The following PIEZO1 variants were observed in gnomAD, a reference collection of about 807,000 sequenced individuals.
The protein encoded by PIEZO1 is piezo type mechanosensitive ion channel component 1 (Er blood group).
A neutral mutation model predicts 297.2 loss-of-function variants in PIEZO1; 296 were observed. The ratio of observed to expected loss-of-function variants is 1.00; its 90% CI spans 0.91 to 1.10. The LOEUF (loss-of-function observed/expected upper bound fraction) is 1.10, where lower values mean the gene tolerates loss of function less well. PIEZO1 is among the 50% of genes least tolerant of loss of function. The pLI is 0.00. For missense variants in PIEZO1, 5,018 were observed against 3,455.5 expected (o/e 1.45, Z -11.34); for synonymous variants, 2,427 against 1,507.5 (o/e 1.61, Z -14.13).
At chr16:88,730,990 C>T (rs745437313) in intron 22 of PIEZO1, among the ~76,000 whole-genome samples, 1 of 151,446 alleles carries the variant, frequency 6.6e-6, no homozygotes, top group Non-Finnish European at 1.5e-5. Flanking sequence ...GGTGGGACGC[C>T]CCTGAGCCGG....
chr16:88,727,572 A>G lies in PIEZO1; in HGVS notation c.3286T>C (p.Ser1096Pro). 1.3e-6 allele frequency: 2 copies of G among 1,499,264 alleles called. No individual in the cohort carries two copies. Among genetic ancestry groups the G allele is most frequent in the Non-Finnish European group, 9.0e-7 (1 of 1,108,840 alleles). 92.9% of individuals were successfully genotyped at this position (1,499,264 alleles called of 1,614,324 possible). ...GGGCACTCACTGATGAGGTTGGTGG[A>G]GTTGGGGGCCCGGAAGAAATCAGGC... ...YLPDFFRAPN[S>P]TNLISDFLLL... Residue 1096 changes from serine to proline, a missense_variant, in exon 23 of 51, where the codon TCC becomes CCC. By Grantham distance (74) the Ser-to-Pro change is moderately conservative. Coordinates refer to ENST00000301015, the MANE Select transcript of PIEZO1 (RefSeq NM_001142864.4).
At chr16:88,762,970 G>C (rs1906998972) in intron 1 of PIEZO1, among the ~76,000 whole-genome samples, 1 of 152,214 alleles carries the variant, frequency 6.6e-6, no homozygotes. Context: ...ACTAGGAATT[G>C]GCAGCTCCCT....
In PIEZO1 at chr16:88,734,855, C is replaced by A; in HGVS notation, c.1848+20G>T. 1.3e-6 allele frequency: 2 copies of A among 1,550,266 alleles called. No individual in the cohort carries two copies. The highest frequency in any genetic ancestry group is 8.7e-7 in the Non-Finnish European group (1 of 1,146,914). On this transcript the variant is annotated intron_variant, in intron 14 of 50. Coordinates refer to ENST00000301015, the MANE Select transcript of PIEZO1 (RefSeq NM_001142864.4). Reference sequence around the variant, plus strand: ...CGGGGAGGGTCCGTGCCCCAGCCCCCATCCCGGCCCCCCAGCCACCTGGAA... The same window carrying A: ...CGGGGAGGGTCCGTGCCCCAGCCCCAATCCCGGCCCCCCAGCCACCTGGAA...
chr16:88,727,299 G>A, intron 23 of PIEZO1, 107 bp from the exon 24 acceptor site: 2 of 1,282,918 alleles, frequency 1.6e-6, no homozygotes, highest in Non-Finnish European at 2.1e-6. Context: ...GCAGCCGCTG[G>A]GAGCGGACAC....
chr16:88,719,796 A>G lies in PIEZO1; in HGVS notation c.6323+6T>C. The G allele has an allele frequency of 1.3e-6, 2 of 1,550,166 alleles. No homozygotes were observed. Among genetic ancestry groups the G allele is most frequent in the Non-Finnish European group, 1.7e-6 (2 of 1,146,850 alleles). ...GTGACCCCCACCCCGGCGGACCTGC[A>G]CTCACCCCTGGAAGAGGAAGAGGTT... On this transcript the variant is annotated splice_donor_region_variant and intron_variant, in intron 43 of 50. Transcript: ENST00000301015.
rs1167649245 is a variant in PIEZO1 at position 88,716,370 on chromosome 16, T to G, written c.7040A>C (p.Asp2347Ala). The change falls in exon 48 of 51, where the codon GAC (aspartate) becomes GCC (alanine). Residue 2347 changes from aspartate to alanine, a missense_variant. By Grantham distance (126) the Asp-to-Ala change is moderately radical (BLOSUM62 -2). Coordinates refer to ENST00000301015, the MANE Select transcript of PIEZO1 (RefSeq NM_001142864.4). Reference sequence around the variant, plus strand: ...CGGGCCCTTCACTCACACAGACTGGTCCGAGGTGCCCTCGAGCAGGCTGGC... The same window carrying G: ...CGGGCCCTTCACTCACACAGACTGGGCCGAGGTGCCCTCGAGCAGGCTGGC... ...QLASLLEGTS[D>A]QSVVIPNLFP... The G allele has an allele frequency of 3.9e-6, 6 of 1,540,930 alleles. No homozygotes were observed. Among genetic ancestry groups the G allele is most frequent in the African/African-American group, 1.4e-5 (1 of 72,922 alleles).
Position 88,765,040 on chromosome 16 carries a change from G to A in PIEZO1, c.65-15561C>T, listed in dbSNP as rs372647926. On this transcript the variant is annotated intron_variant, in intron 1 of 50. Transcript: ENST00000301015. ...CCCGGCTGCCCACTGTGTCCTCAGC[G>A]GTGCTGGACCCAGGACAGAAGATGG... Among the ~76,000 whole-genome samples the A allele has an allele frequency of 5.2e-4, 79 of 152,332 alleles. 2 individuals are homozygous for A. The East Asian group carries it at 6.6e-3, about 13-fold the overall frequency.
chr16:88,775,103 G>C (rs764196395), intron 1 of PIEZO1, among the ~76,000 whole-genome samples: 2 of 152,334 alleles, frequency 1.3e-5, no homozygotes, highest in Non-Finnish European at 2.9e-5. Flanking sequence ...CACCCAGGAC[G>C]TAACGGAGTG....
chr16:88,737,469 T>C lies in PIEZO1; in HGVS notation c.1195+90A>G, dbSNP rs1905299403. Reference sequence around the variant, plus strand: ...GGCAGGCAGAGGTGCGGCGCGAGCATGCGAGAGCGCCAGGCGGCCACCAGG... The same window carrying C: ...GGCAGGCAGAGGTGCGGCGCGAGCACGCGAGAGCGCCAGGCGGCCACCAGG... On this transcript the variant is annotated intron_variant, in intron 10 of 50. Coordinates refer to ENST00000301015, the MANE Select transcript of PIEZO1 (RefSeq NM_001142864.4). The C allele has an allele frequency of 8.0e-6, 7 of 871,770 alleles. No homozygotes were observed. The South Asian group carries it at 1.0e-4, about 13-fold the overall frequency. 54.0% of individuals were successfully genotyped at this position (871,770 alleles called of 1,614,324 possible).
At position 88,785,014 on chromosome 16, in the gene PIEZO1, A is replaced by G; in HGVS notation, c.-50T>C. On this transcript the variant is annotated 5_prime_UTR_variant, in exon 1 of 51. An upstream open reading frame in the 5' UTR loses its in-frame stop. Transcript: ENST00000301015. ...CAGACCGAGCGGACGCCGCGGCGCT[A>G]TGGGGCGGTGCGGGGGCCCCGGGGC... 3 of 1,144,722 alleles carry G rather than the reference A, an allele frequency of 2.6e-6. No individual in the cohort carries two copies. The highest frequency in any genetic ancestry group is 3.3e-6 in the Non-Finnish European group (3 of 918,692). 70.9% of individuals were successfully genotyped at this position (1,144,722 alleles called of 1,614,324 possible). A position where few individuals can be genotyped will look rare whatever the true frequency, so the allele number is the denominator to read the frequency against.
At chr16:88,783,341 CAGA>C (rs752207404) in intron 1 of PIEZO1, among the ~76,000 whole-genome samples, 9 of 152,196 alleles carry the variant, frequency 5.9e-5, no homozygotes, top group African/African-American at 1.4e-4. Flanking sequence ...GGAAAAATAC[CAGA>C]AGAAGAAGAT....
At chr16:88,763,451 A>G (rs551360073) in intron 1 of PIEZO1, among the ~76,000 whole-genome samples, 1 of 152,334 alleles carries the variant, frequency 6.6e-6, no homozygotes, top group South Asian at 2.1e-4. Flanking sequence ...GCCAAGGCAG[A>G]AGGTTCGCTT....
At position 88,733,400 on chromosome 16, in the gene PIEZO1, G is replaced by A. The variant is rs796410271; in HGVS notation, c.2542C>T (p.Pro848Ser). The change falls in exon 19 of 51, where the codon CCA becomes TCA. Residue 848 changes from proline (P) to serine (S), a missense_variant. Coordinates refer to ENST00000301015, the MANE Select transcript of PIEZO1 (RefSeq NM_001142864.4). ...CAGGAGGCCATGGGCCGGAAGCGTG[G>A]GTAGGGCAGGGCGAAGGCCCACAGC... ...VVLWAFALPYPRFRPMASCLS... is the reference protein window; with the variant it reads ...VVLWAFALPYSRFRPMASCLS... The A allele has an allele frequency of 6.5e-7, 1 of 1,550,160 alleles. No homozygotes were observed. The highest frequency in any genetic ancestry group is 8.7e-7 in the Non-Finnish European group (1 of 1,146,846).
chr16:88,774,890 A>G (rs1907588793), intron 1 of PIEZO1, among the ~76,000 whole-genome samples: 2 of 152,306 alleles, frequency 1.3e-5, no homozygotes, highest in African/African-American at 4.8e-5. Context: ...AGATGGTAAT[A>G]CCAGGCCTGG....
chr16:88,771,202 C>T (rs1907410389), intron 1 of PIEZO1, among the ~76,000 whole-genome samples: 1 of 152,362 alleles, frequency 6.6e-6, no homozygotes, highest in South Asian at 2.1e-4. Flanking sequence ...CCGGGCCCAG[C>T]CTTGCAGGAA....
chr16:88,761,981 C>T (rs1196432623), intron 1 of PIEZO1, among the ~76,000 whole-genome samples: 1 of 152,204 alleles, frequency 6.6e-6, no homozygotes, highest in Non-Finnish European at 1.5e-5. Flanking sequence ...TCCTCGCCAG[C>T]CCCCGCAGCC....
At chr16:88,753,957 C>A (rs1369716025) in intron 1 of PIEZO1, among the ~76,000 whole-genome samples, 1 of 152,222 alleles carries the variant, frequency 6.6e-6, no homozygotes, top group Non-Finnish European at 1.5e-5. Flanking sequence ...GGGACAGGAG[C>A]CTGCCCTGCC....
rs889047347 is a variant in PIEZO1 at position 88,741,669 on chromosome 16, T to G, written c.327-53A>C. Reference sequence around the variant, plus strand: ...CAGACCAAGAGGACAGGTGTGGGTGTGAGTGTGGATGGGTCTCCAGGTGCG... The same window carrying G: ...CAGACCAAGAGGACAGGTGTGGGTGGGAGTGTGGATGGGTCTCCAGGTGCG... On this transcript the variant is annotated intron_variant, in intron 4 of 50. Coordinates refer to ENST00000301015, the MANE Select transcript of PIEZO1 (RefSeq NM_001142864.4). 9.6e-5 allele frequency: 140 copies of G among 1,460,406 alleles called. 1 individual carries two copies. The South Asian group carries it at 1.1e-3, about 11-fold the overall frequency. 90.5% of individuals were successfully genotyped at this position (1,460,406 alleles called of 1,614,324 possible).
chr16:88,761,623 G>A (rs1374717620), intron 1 of PIEZO1, among the ~76,000 whole-genome samples: 1 of 152,176 alleles, frequency 6.6e-6, no homozygotes, highest in Non-Finnish European at 1.5e-5. Flanking sequence ...GGGGTCCGCA[G>A]TGAACGACCC....
Sources: gnomAD v4.1 joint callset for allele counts (sites outside exome capture counted in the v4.1 genomes callset) on GRCh38, gnomAD v4.1.1 for gene constraint, MANE v1.5 for transcripts, NCBI Gene and HGNC (gene_info 2026-07-23, HGNC 2026-07-21) for gene names.